The following SRSF4 variants were observed in gnomAD, a reference collection of about 807,000 sequenced individuals.
SRSF4 encodes the protein serine and arginine rich splicing factor 4.
In SRSF4, 12 loss-of-function variants were observed where a neutral mutation model predicts 48.8. The observed-to-expected ratio is 0.25, with a 90% confidence interval of 0.16 to 0.40. The LOEUF is 0.40. SRSF4 is among the 10% of genes least tolerant of loss of function. SRSF4 has a pLI of 1.00. For missense variants in SRSF4, 466 were observed against 667.1 expected (o/e 0.70, Z 3.32); for synonymous variants, 248 against 232.5 (o/e 1.07, Z -0.61).
rs922008949 is a variant in SRSF4, at chr1:29,181,830, AGCGGCG to A, written c.-84_-79del. On this transcript the variant is annotated 5_prime_UTR_variant, in exon 1 of 6. Coordinates refer to ENST00000373795, the MANE Select transcript of SRSF4 (RefSeq NM_005626.5). ...GCGGGCAAAGCGAGAGCACGGCGGC[AGCGGCG>A]GCGGCGGCAACGGGCGGGCGGCGGG... The A allele has an allele frequency of 9.6e-6, 12 of 1,248,008 alleles. No homozygotes were observed. Among genetic ancestry groups the A allele is most frequent in the African/African-American group, 1.6e-5 (1 of 64,050 alleles). 77.3% of individuals were successfully genotyped at this position (1,248,008 alleles called of 1,614,324 possible). A position where few individuals can be genotyped will look rare whatever the true frequency, so the allele number is the denominator to read the frequency against.
chr1:29,158,194 T>C (rs1468019685), intron 3 of SRSF4, among the ~76,000 whole-genome samples: 3 of 150,084 alleles, frequency 2.0e-5, no homozygotes, highest in Non-Finnish European at 4.4e-5. Context: ...CTGGAACCAG[T>C]ACACTGGATG....
rs141096220 is a variant in SRSF4 at position 29,178,353 on chromosome 1, C to CTTCTTTTTT, written c.107+3292_107+3293insAAAAAAGAA. On this transcript the variant is annotated intron_variant, in intron 1 of 5. Coordinates refer to ENST00000373795, the MANE Select transcript of SRSF4 (RefSeq NM_005626.5). ...AAAATCTGTTTCTGAGTTTCAATTA[C>CTTCTTTTTT]TTTTTTTTTTGAGACAGAGTCTCGC... is the stretch of plus-strand genomic sequence containing the variant. Among the ~76,000 whole-genome samples the CTTCTTTTTT allele has an allele frequency of 2.4e-4, 31 of 127,852 alleles. 4 individuals carry two copies. The highest frequency in any genetic ancestry group is 3.3e-4 in the Admixed American group (4 of 12,242). 83.9% of individuals were successfully genotyped at this position (127,852 alleles called of 152,430 possible). A position where few individuals can be genotyped will look rare whatever the true frequency, so the allele number is the denominator to read the frequency against.
At chr1:29,158,533 A>G (rs1015511626) in intron 3 of SRSF4, among the ~76,000 whole-genome samples, 6 of 151,574 alleles carry the variant, frequency 4.0e-5, no homozygotes, top group Non-Finnish European at 5.9e-5. Context: ...AGGTTCAAGC[A>G]ATTCTCTTGC....
At chr1:29,175,228 C>T (rs997527675) in intron 1 of SRSF4, among the ~76,000 whole-genome samples, 7 of 150,242 alleles carry the variant, frequency 4.7e-5, no homozygotes, top group Non-Finnish European at 7.4e-5. Flanking sequence ...GGCTGGCCAA[C>T]GTGGTGAAAC....
chr1:29,153,915 T>C (rs1270989013), intron 4 of SRSF4, among the ~76,000 whole-genome samples: 1 of 151,660 alleles, frequency 6.6e-6, no homozygotes, highest in Non-Finnish European at 1.5e-5. Flanking sequence ...ATTTCCCTTT[T>C]TGAGATGGAG....
chr1:29,157,802 C>A (rs965389263), intron 3 of SRSF4, among the ~76,000 whole-genome samples: 1 of 152,162 alleles, frequency 6.6e-6, no homozygotes, highest in African/African-American at 2.4e-5. Flanking sequence ...CTGTTTCATG[C>A]ATCCTCCTAA....
intron 1 of SRSF4, among the ~76,000 whole-genome samples, chr1:29,174,309 T>A (rs1433336357): frequency 6.6e-6 from 1 of 152,202 alleles, no homozygotes; most frequent in African/African-American, 2.4e-5. Flanking sequence ...AAAATGTGTA[T>A]ATGCTTTGAC....
chr1:29,157,381 C>T (rs530493918), intron 3 of SRSF4, among the ~76,000 whole-genome samples: 4 of 152,248 alleles, frequency 2.6e-5, no homozygotes, highest in African/African-American at 9.6e-5. Context: ...TTTAGTGGCA[C>T]TACATGACGA....
At chr1:29,178,020 C>T (rs1306990503) in intron 1 of SRSF4, among the ~76,000 whole-genome samples, 4 of 151,238 alleles carry the variant, frequency 2.6e-5, no homozygotes, top group Admixed American at 1.3e-4. Flanking sequence ...CTGCCTTAGC[C>T]TCTAGAGGAG....
At chr1:29,167,099 T>C (rs530836278) in intron 1 of SRSF4, among the ~76,000 whole-genome samples, 1 of 152,368 alleles carries the variant, frequency 6.6e-6, no homozygotes, top group African/African-American at 2.4e-5. Flanking sequence ...TGGATTAATT[T>C]ATGTAATTCT....
intron 1 of SRSF4, chr1:29,166,977 C>T (rs901631938): frequency 2.6e-5 from 4 of 152,236 alleles, no homozygotes; most frequent in African/African-American, 4.8e-5. Flanking sequence ...CTAATTTGCT[C>T]CCAACACCTT....
At chr1:29,173,796 C>T (rs1035257179) in intron 1 of SRSF4, among the ~76,000 whole-genome samples, 1 of 151,792 alleles carries the variant, frequency 6.6e-6, no homozygotes, top group African/African-American at 2.4e-5. Flanking sequence ...AATAGACAAG[C>T]CTTAAAGGCT....
intron 1 of SRSF4, 149 bp from the exon 2 acceptor site, chr1:29,160,666 C>T: frequency 2.4e-6 from 2 of 825,436 alleles, no homozygotes; most frequent in Non-Finnish European, 3.5e-6. Flanking sequence ...TCAGGTGAAA[C>T]CACTTTGCTT....
intron 1 of SRSF4, among the ~76,000 whole-genome samples, chr1:29,174,205 G>T (rs1466016424): frequency 4.0e-4 from 3 of 7,480 alleles, no homozygotes; most frequent in East Asian, 0.02. Context: ...AAAAAAAAAA[G>T]AAAAAAGAAA....
intron 1 of SRSF4, among the ~76,000 whole-genome samples, chr1:29,167,067 C>T (rs1440865876): frequency 6.6e-6 from 1 of 152,156 alleles, no homozygotes; most frequent in Non-Finnish European, 1.5e-5. Flanking sequence ...TTTGCTGGGC[C>T]TTCAGGGCTG....
chr1:29,159,520 G>C, intron 2 of SRSF4, 34 bp from the exon 3 acceptor site: 2 of 1,533,978 alleles, frequency 1.3e-6, no homozygotes, highest in South Asian at 1.1e-5. Context: ...GATTATTTCA[G>C]TGGAAGAAAA....
intron 2 of SRSF4, chr1:29,159,723 A>C: frequency 3.0e-6 from 1 of 338,188 alleles, no homozygotes; most frequent in East Asian, 5.0e-5. Context: ...ATTTAAGATT[A>C]ACATGCATAA....
At chr1:29,154,094 C>T (rs1362652492) in intron 4 of SRSF4, among the ~76,000 whole-genome samples, 1 of 152,028 alleles carries the variant, frequency 6.6e-6, no homozygotes, top group East Asian at 1.9e-4. Flanking sequence ...GCTCTTGTTG[C>T]CCAGGCTGGA....
rs1672352289 is a variant in SRSF4 at position 29,148,844 on chromosome 1, T to C, written c.1051A>G (p.Lys351Glu). ...RSRSRSRSKS[K>E]DKRKGRKRSR... ...CTCTTCCTGCCCTTCCTCTTGTCCT[T>C]GCTCTTGCTGCGGCTCCTGCTCCGG... Residue 351 changes from lysine (K) to glutamate (E), a missense_variant, in exon 6 of 6, where the codon AAG becomes GAG. Coordinates refer to ENST00000373795, the MANE Select transcript of SRSF4 (RefSeq NM_005626.5). 5 of 1,608,260 alleles carry C rather than the reference T, an allele frequency of 3.1e-6. 1 individual carries two copies. The highest frequency in any genetic ancestry group is 3.4e-5 in the Admixed American group (2 of 59,072).
Sources: allele counts gnomAD v4.1 joint callset (sites outside exome capture counted in the v4.1 genomes callset), GRCh38; gene constraint gnomAD v4.1.1; transcripts MANE v1.5; gene names NCBI Gene and HGNC (gene_info 2026-07-23, HGNC 2026-07-21).